PWWP2B: variants seen among roughly 807,000 people sequenced by gnomAD.
The protein encoded by PWWP2B is PWWP domain containing 2B.
PWWP2B carries 9 observed loss-of-function variants against 15.5 expected under a neutral mutation model. The ratio of observed to expected loss-of-function variants is 0.58; its 90% CI spans 0.35 to 1.02. PWWP2B has a LOEUF of 1.02. Ranked by LOEUF, PWWP2B falls within the 50% of genes least tolerant of loss-of-function variation. The probability of loss-of-function intolerance (pLI) is 0.02; values close to 1 mark genes in which losing one functional copy is unlikely to be tolerated. For missense variants in PWWP2B, 864 were observed against 865.3 expected (o/e 1.00, Z 0.02); for synonymous variants, 474 against 403.6 (o/e 1.17, Z -2.09).
intron 2 of PWWP2B, among the ~76,000 whole-genome samples, chr10:132,409,190 G>A (rs1413404455): frequency 6.6e-6 from 1 of 152,190 alleles, no homozygotes; most frequent in Non-Finnish European, 1.5e-5. Context: ...CCGGCTCCAG[G>A]GCCTGTGAAT....
chr10:132,397,520 G>C (rs1208505270), intron 1 of PWWP2B, among the ~76,000 whole-genome samples, 169 bp downstream of exon 1: 1 of 151,180 alleles, frequency 6.6e-6, no homozygotes, highest in Middle Eastern at 3.5e-3. Flanking sequence ...GCCGCCACTC[G>C]GGGGGGCAAA....
chr10:132,404,037 G>A, intron 1 of PWWP2B, among the ~76,000 whole-genome samples: 1 of 87,226 alleles, frequency 1.1e-5, no homozygotes, highest in East Asian at 4.7e-4. Context: ...ATTCTCCAGG[G>A]CTCCTGCAGG....
rs11146363 is a variant in PWWP2B at position 132,404,765 on chromosome 10, C to T, written c.265C>T (p.Arg89Cys). 0.6 allele frequency: 949,482 copies of T among 1,573,514 alleles called. 289,466 individuals carry two copies. The highest frequency in any genetic ancestry group is 0.63 in the Non-Finnish European group (725,799 of 1,158,678). Reference sequence around the variant, plus strand: ...GGGGTCCAGCTCCCCCCCTCCTGCCCGCGGGGTTCAGCCCCCCGAGACCAC... The same window carrying T: ...GGGGTCCAGCTCCCCCCCTCCTGCCTGCGGGGTTCAGCCCCCCGAGACCAC... ...QLGSSSPPPA[R>C]GVQPPETTRP... The change falls in exon 2 of 3, where the codon CGC becomes TGC. Residue 89 changes from arginine (R) to cysteine (C), a missense_variant. By Grantham distance (180) the Arg-to-Cys change is radical. Transcript: ENST00000305233.
intron 2 of PWWP2B, among the ~76,000 whole-genome samples, chr10:132,411,123 G>T (rs74163908): frequency 2.6e-4 from 39 of 152,288 alleles, no homozygotes; most frequent in African/African-American, 9.1e-4. Context: ...CGCCTCTGGG[G>T]GTCAGGAGCT....
In PWWP2B at chr10:132,405,712, G is replaced by A. The variant is rs1469339785; in HGVS notation, c.1212G>A (p.Leu404=). The change falls in exon 2 of 3, where the codon TTG becomes TTA. Residue 404 remains leucine, a synonymous_variant. Transcript: ENST00000305233. ...CPQGPQGREG[L]AFLVSCPEGR... ...AGGGTCCACAGGGACGCGAGGGCTT[G>A]GCTTTTCTCGTCAGCTGCCCTGAGG... 10 of 1,611,408 alleles carry A rather than the reference G, an allele frequency of 6.2e-6. No homozygotes were observed. Among genetic ancestry groups the A allele is most frequent in the Admixed American group, 1.7e-5 (1 of 60,008 alleles).
At chr10:132,411,614 G>A (rs898984748) in intron 2 of PWWP2B, among the ~76,000 whole-genome samples, 2 of 152,228 alleles carry the variant, frequency 1.3e-5, no homozygotes, top group African/African-American at 2.4e-5. Flanking sequence ...GGCAGCATGG[G>A]CCGCTTCCGA....
At position 132,417,161 on chromosome 10, in the gene PWWP2B, A is replaced by G; in HGVS notation, c.*117A>G. 4 of 1,530,948 alleles carry G rather than the reference A, an allele frequency of 2.6e-6. No individual in the cohort carries two copies. Among genetic ancestry groups the G allele is most frequent in the Non-Finnish European group, 3.6e-6 (4 of 1,106,232 alleles). The allele number at this position is 1,530,948 out of a possible 1,614,324, so 94.8% of individuals were successfully genotyped here. A position where few individuals can be genotyped will look rare whatever the true frequency, so the allele number is the denominator to read the frequency against. On this transcript the variant is annotated 3_prime_UTR_variant, in exon 3 of 3. Coordinates refer to ENST00000305233, the MANE Select transcript of PWWP2B (RefSeq NM_138499.4). ...CGGCTGCGTGCAGAGCCCACTGGGC[A>G]CGGTGGTCGGCCTGGTGTGAGGCCC...
intron 2 of PWWP2B, among the ~76,000 whole-genome samples, chr10:132,416,433 C>T (rs905481330): frequency 2.0e-5 from 3 of 152,190 alleles, no homozygotes; most frequent in Admixed American, 6.5e-5. Context: ...GCGGGGCTGA[C>T]GGGATCGTCT....
intron 2 of PWWP2B, among the ~76,000 whole-genome samples, chr10:132,412,654 A>C (rs1461676014): frequency 2.0e-5 from 3 of 152,198 alleles, no homozygotes; most frequent in Non-Finnish European, 4.4e-5. Context: ...AGGGATTACG[A>C]GGTGCTGGCC....
At chr10:132,409,627 C>T (rs1282700735) in intron 2 of PWWP2B, among the ~76,000 whole-genome samples, 1 of 132,630 alleles carries the variant, frequency 7.5e-6, no homozygotes, top group African/African-American at 3.2e-5. Context: ...GTCTCTCCCT[C>T]ACCACCCACC....
intron 1 of PWWP2B, among the ~76,000 whole-genome samples, chr10:132,403,464 G>A (rs189719684): frequency 5.5e-4 from 84 of 152,338 alleles, no homozygotes; most frequent in African/African-American, 1.9e-3. Context: ...TAACATCAGC[G>A]TTCGCAGAAC....
chr10:132,411,202 G>A (rs1690226318), intron 2 of PWWP2B, among the ~76,000 whole-genome samples: 1 of 152,184 alleles, frequency 6.6e-6, no homozygotes, highest in South Asian at 2.1e-4. Flanking sequence ...CCACAGACCT[G>A]GGGGTCCAGG....
intron 1 of PWWP2B, among the ~76,000 whole-genome samples, chr10:132,398,475 G>C (rs1278458023): frequency 6.6e-6 from 1 of 152,226 alleles, no homozygotes; most frequent in African/African-American, 2.4e-5. Context: ...CTGGCGGGCA[G>C]GGTTGGGCTT....
chr10:132,404,750 T>TC lies in PWWP2B; in HGVS notation c.257dup (p.Pro87SerfsTer93). ...AGAGGTGATGCAGCTGGGGTCCAGC[T>TC]CCCCCCCTCCTGCCCGCGGGGTTCA... On this transcript the variant is annotated frameshift_variant, in exon 2 of 3. Transcript: ENST00000305233. LOFTEE classifies it high-confidence loss of function. The TC allele has an allele frequency of 3.8e-6, 6 of 1,592,218 alleles. No homozygotes were observed. The highest frequency in any genetic ancestry group is 3.4e-6 in the Non-Finnish European group (4 of 1,169,608).
intron 1 of PWWP2B, among the ~76,000 whole-genome samples, chr10:132,401,645 A>T (rs752930344): frequency 1.3e-5 from 2 of 152,232 alleles, no homozygotes; most frequent in Admixed American, 6.5e-5. Flanking sequence ...TTCACGTCCC[A>T]GGGTCCAGGA....
At chr10:132,413,951 G>A (rs541744254) in intron 2 of PWWP2B, among the ~76,000 whole-genome samples, 2 of 152,210 alleles carry the variant, frequency 1.3e-5, no homozygotes, top group Non-Finnish European at 2.9e-5. Context: ...CCCGTGTCCC[G>A]GTGGGGGCTC....
rs112599780 is a variant in PWWP2B at position 132,411,663 on chromosome 10, A to G, written c.*16+5374A>G. The stretch of plus-strand genomic sequence containing the variant: ...AATGTTGATTTCTCCTGGGAAATAA[A>G]GATAATAATCAGGAAGCTGCCCGGC... On this transcript the variant is annotated intron_variant, in intron 2 of 2. Coordinates refer to ENST00000305233, the MANE Select transcript of PWWP2B (RefSeq NM_138499.4). 2.7e-3 allele frequency among the ~76,000 whole-genome samples: 414 copies of G among 152,372 alleles called. 3 individuals carry two copies. Among genetic ancestry groups the G allele is most frequent in the African/African-American group, 8.8e-3 (366 of 41,600 alleles).
In PWWP2B at chr10:132,404,742, G is replaced by A; in HGVS notation, c.242G>A (p.Gly81Glu). The A allele has an allele frequency of 6.2e-7, 1 of 1,602,880 alleles. No homozygotes were observed. Among genetic ancestry groups the A allele is most frequent in the East Asian group, 2.2e-5 (1 of 44,764 alleles). ...GGGGATGCAGAGGTGATGCAGCTGG[G>A]GTCCAGCTCCCCCCCTCCTGCCCGC... ...EEGDAEVMQLGSSSPPPARGV... is the reference protein window; with the variant it reads ...EEGDAEVMQLESSSPPPARGV... Residue 81 changes from glycine to glutamate, a missense_variant, in exon 2 of 3, where the codon GGG becomes GAG. By Grantham distance (98) the Gly-to-Glu change is moderately conservative. Coordinates refer to ENST00000305233, the MANE Select transcript of PWWP2B (RefSeq NM_138499.4).
At chr10:132,411,780 G>A (rs550840872) in intron 2 of PWWP2B, among the ~76,000 whole-genome samples, 3 of 152,248 alleles carry the variant, frequency 2.0e-5, no homozygotes, top group East Asian at 1.9e-4. Flanking sequence ...CGACGCCGCC[G>A]TCTCCAGGCT....
Sources: allele counts gnomAD v4.1 joint callset (sites outside exome capture counted in the v4.1 genomes callset), GRCh38; gene constraint gnomAD v4.1.1; transcripts MANE v1.5; gene names NCBI Gene and HGNC (gene_info 2026-07-23, HGNC 2026-07-21).